The following DACH1 variants were observed in gnomAD, a reference collection of about 807,000 sequenced individuals.
The protein encoded by DACH1 is dachshund family transcription factor 1.
Under a neutral mutation model 54.2 loss-of-function variants are expected in DACH1, and 12 were observed. The ratio of observed to expected loss-of-function variants is 0.22; its 90% CI spans 0.14 to 0.36. DACH1 has a LOEUF of 0.36. DACH1 is among the 10% of genes least tolerant of loss of function. The pLI is 1.00. For missense variants in DACH1, 805 were observed against 929.8 expected (o/e 0.87, Z 1.75); for synonymous variants, 386 against 366.2 (o/e 1.05, Z -0.62).
At chr13:71,856,464 C>G (rs577662328) in intron 1 of DACH1, among the ~76,000 whole-genome samples, 9 of 152,042 alleles carry the variant, frequency 5.9e-5, no homozygotes, top group African/African-American at 2.2e-4. Flanking sequence ...TCAGAGATGA[C>G]AATCATAAAA....
chr13:71,860,221 TACACAC>T (rs141566720), intron 1 of DACH1, among the ~76,000 whole-genome samples: 1 of 148,852 alleles, frequency 6.7e-6, no homozygotes, highest in African/African-American at 2.4e-5. Context: ...CATACGTATG[TACACAC>T]ACACACACAC....
At chr13:71,448,074 T>C (rs947583263) in intron 10 of DACH1, among the ~76,000 whole-genome samples, 1 of 152,160 alleles carries the variant, frequency 6.6e-6, no homozygotes, top group African/African-American at 2.4e-5. Context: ...ACTTAATAAA[T>C]TGCGTTTTCT....
chr13:71,492,742 A>AGTGTGT (rs112271287), intron 6 of DACH1, among the ~76,000 whole-genome samples: 4 of 139,756 alleles, frequency 2.9e-5, no homozygotes, highest in East Asian at 4.2e-4. Flanking sequence ...TGTGTGTGTG[A>AGTGTGT]GTGTGTGTGT....
chr13:71,812,194 G>T (rs1261597435), intron 1 of DACH1, among the ~76,000 whole-genome samples: 1 of 152,066 alleles, frequency 6.6e-6, no homozygotes, highest in East Asian at 1.9e-4. Flanking sequence ...AGTTTTGTTT[G>T]CATTTTAATA....
chr13:71,667,832 A>G (rs1427677135), intron 2 of DACH1, among the ~76,000 whole-genome samples: 2 of 152,112 alleles, frequency 1.3e-5, no homozygotes, highest in African/African-American at 2.4e-5. Context: ...TTATATTGTA[A>G]CACTAAGGGA....
chr13:71,571,683 T>G (rs553636296), intron 4 of DACH1, among the ~76,000 whole-genome samples: 1 of 152,020 alleles, frequency 6.6e-6, no homozygotes, highest in African/African-American at 2.4e-5. Flanking sequence ...ATAAGAACAA[T>G]TCCTATTTGT....
intron 1 of DACH1, among the ~76,000 whole-genome samples, chr13:71,702,764 T>G (rs1271293934): frequency 6.6e-6 from 1 of 152,138 alleles, no homozygotes; most frequent in African/African-American, 2.4e-5. Flanking sequence ...CATAAATTAC[T>G]TCTTTAAAAT....
At chr13:71,662,146 G>A (rs755947321) in intron 2 of DACH1, among the ~76,000 whole-genome samples, 4 of 152,024 alleles carry the variant, frequency 2.6e-5, no homozygotes, top group Non-Finnish European at 4.4e-5. Flanking sequence ...AATATGTAGA[G>A]TTTGTCAGCA....
intron 2 of DACH1, among the ~76,000 whole-genome samples, chr13:71,671,190 T>C (rs1032226577): frequency 6.6e-6 from 1 of 151,888 alleles, no homozygotes; most frequent in Non-Finnish European, 1.5e-5. Flanking sequence ...TGCCATTTCC[T>C]CCTATTGACT....
At chr13:71,649,351 T>G (rs1404588231) in intron 2 of DACH1, among the ~76,000 whole-genome samples, 2 of 152,170 alleles carry the variant, frequency 1.3e-5, no homozygotes, top group Non-Finnish European at 2.9e-5. Context: ...TGAATGTACA[T>G]GAATGGATGA....
At chr13:71,590,577 A>G (rs1873626260) in intron 3 of DACH1, among the ~76,000 whole-genome samples, 1 of 152,156 alleles carries the variant, frequency 6.6e-6, no homozygotes, top group Non-Finnish European at 1.5e-5. Context: ...CTTTGGAATT[A>G]GCCATAGACT....
chr13:71,720,495 A>T (rs1014893076), intron 1 of DACH1, among the ~76,000 whole-genome samples: 1 of 152,178 alleles, frequency 6.6e-6, no homozygotes, highest in African/African-American at 2.4e-5. Context: ...CATGTCTAAC[A>T]AATGTGTTTG....
intron 2 of DACH1, among the ~76,000 whole-genome samples, chr13:71,654,389 C>CAAAAT (rs540730866): frequency 0.037 from 2,221 of 60,374 alleles, 268 homozygotes; most frequent in East Asian, 0.071. Context: ...GACTCTGTCT[C>CAAAAT]AAAATAAAAT....
In DACH1 at chr13:71,831,205, C is replaced by G. The variant is rs17837285; in HGVS notation, c.848+34717G>C. 1.2e-4 allele frequency among the ~76,000 whole-genome samples: 18 copies of G among 151,954 alleles called. No individual in the cohort carries two copies. The East Asian group carries it at 3.5e-3, about 29-fold the overall frequency. On this transcript the variant is annotated intron_variant, in intron 1 of 10. Transcript: ENST00000613252. ...GAGTTTTCCTTCAAAATTGTGGCTA[C>G]TATTTCCTCAGTAACTCTTAATCTA...
intron 6 of DACH1, among the ~76,000 whole-genome samples, chr13:71,528,425 CTTTT>C (rs71198120): frequency 3.6e-5 from 4 of 111,126 alleles, no homozygotes; most frequent in African/African-American, 1.0e-4. Context: ...AACAGATTTT[CTTTT>C]TTTTTTTTTT....
chr13:71,708,016 C>A (rs1194477300), intron 1 of DACH1, among the ~76,000 whole-genome samples: 1 of 151,626 alleles, frequency 6.6e-6, no homozygotes, highest in Non-Finnish European at 1.5e-5. Flanking sequence ...AATCTAACTT[C>A]TTTTTCTCCA....
Position 71,551,014 on chromosome 13 carries a change from A to G in DACH1, c.1570+6010T>C, listed in dbSNP as rs541206534. Among the ~76,000 whole-genome samples, 6 of 152,266 alleles carry G rather than the reference A, an allele frequency of 3.9e-5. No homozygotes were observed. In the South Asian group the frequency reaches 1.0e-3, roughly 26 times the overall value. ...ACATTATCAAAATATAGAAAATTTT[A>G]AAGAAAAAAGGCTTTTAGTCTATGC... On this transcript the variant is annotated intron_variant, in intron 6 of 10. Coordinates refer to ENST00000613252, the MANE Select transcript of DACH1 (RefSeq NM_080759.6).
chr13:71,694,825 A>G (rs1452588655), intron 1 of DACH1, among the ~76,000 whole-genome samples: 9 of 152,230 alleles, frequency 5.9e-5, no homozygotes, highest in Non-Finnish European at 1.3e-4. Context: ...TGGCTAAAGC[A>G]TAATAGCTCA....
At chr13:71,718,841 G>T (rs1180597267) in intron 1 of DACH1, among the ~76,000 whole-genome samples, 2 of 152,128 alleles carry the variant, frequency 1.3e-5, no homozygotes, top group East Asian at 1.9e-4. Context: ...CATTAATTAG[G>T]TGCATATTTC....
Sources: allele counts gnomAD v4.1 joint callset (sites outside exome capture counted in the v4.1 genomes callset), GRCh38; gene constraint gnomAD v4.1.1; transcripts MANE v1.5; gene names NCBI Gene and HGNC (gene_info 2026-07-23, HGNC 2026-07-21).